The following ZBTB20 variants were observed in gnomAD, a reference collection of about 807,000 sequenced individuals.
ZBTB20 encodes the protein zinc finger and BTB domain containing 20.
ZBTB20 carries 9 observed loss-of-function variants against 56.9 expected under a neutral mutation model. The observed-to-expected ratio is 0.16, with a 90% CI of 0.10 to 0.28. The LOEUF (loss-of-function observed/expected upper bound fraction) is 0.28. Among genes scored for constraint, ZBTB20 ranks in the 10% least tolerant of loss-of-function variants. ZBTB20 has a pLI of 1.00. For synonymous variants in ZBTB20, 417 were observed against 420.7 expected (o/e 0.99, Z 0.11); for missense variants, 655 against 1,003.0 (o/e 0.65, Z 4.69).
At chr3:114,767,987 A>T (rs1051928436) in intron 5 of ZBTB20, among the ~76,000 whole-genome samples, 1 of 152,122 alleles carries the variant, frequency 6.6e-6, no homozygotes, top group Non-Finnish European at 1.5e-5. Context: ...TAAAATATAA[A>T]GTATATTTGC....
intron 7 of ZBTB20, among the ~76,000 whole-genome samples, chr3:114,459,129 A>G (rs912550898): frequency 6.6e-6 from 1 of 152,186 alleles, no homozygotes; most frequent in African/African-American, 2.4e-5. Context: ...TTCCATGCAT[A>G]TTCTGCACAT....
rs1036670144 is a variant in ZBTB20 at position 114,337,436 on chromosome 3, C to T, written c.*1569G>A. On this transcript the variant is annotated 3_prime_UTR_variant, in exon 12 of 12. Transcript: ENST00000675478. ...AAAAAAAGTAAAGTCAATAGAAATT[C>T]TAGAATTGTAAGATCTCAATGAAAT... 7 of 152,112 alleles carry T rather than the reference C, an allele frequency of 4.6e-5. No homozygotes were observed. The highest frequency in any genetic ancestry group is 3.2e-3 in the Middle Eastern group (1 of 316). The allele number at this position is 152,112 out of a possible 1,614,324, so 9.4% of individuals were successfully genotyped here.
rs546179785 is a variant in ZBTB20 at position 114,377,554 on chromosome 3, T to G, written c.199+2663A>C. Among the ~76,000 whole-genome samples, 26 of 152,330 alleles carry G rather than the reference T, an allele frequency of 1.7e-4. No homozygotes were observed. In the South Asian group the frequency reaches 4.6e-3, roughly 27 times the overall value. On this transcript the variant is annotated intron_variant, in intron 10 of 11. Coordinates refer to ENST00000675478, the MANE Select transcript of ZBTB20 (RefSeq NM_001348800.3). ...GCTTACCCACCCATGTCAGTTCATA[T>G]GCAGAGCTGACTTTTCTTTTGTGGC...
At chr3:114,694,285 A>G (rs1578380337) in intron 5 of ZBTB20, among the ~76,000 whole-genome samples, 1 of 152,120 alleles carries the variant, frequency 6.6e-6, no homozygotes, top group East Asian at 1.9e-4. Context: ...GTGGAGCAAC[A>G]AAGTCTTTAA....
At chr3:114,891,738 A>G (rs2076816077) in intron 4 of ZBTB20, among the ~76,000 whole-genome samples, 2 of 152,190 alleles carry the variant, frequency 1.3e-5, no homozygotes, top group Non-Finnish European at 2.9e-5. Flanking sequence ...TACTTCTTAA[A>G]TGAGTTTAAA....
At chr3:114,348,234 A>G (rs2080353986) in intron 11 of ZBTB20, among the ~76,000 whole-genome samples, 1 of 152,322 alleles carries the variant, frequency 6.6e-6, no homozygotes, top group South Asian at 2.1e-4. Context: ...CAAGACCAGC[A>G]AAGTCAACTT....
chr3:114,789,428 CT>C (rs2070780704), intron 5 of ZBTB20, among the ~76,000 whole-genome samples: 1 of 152,098 alleles, frequency 6.6e-6, no homozygotes, highest in Non-Finnish European at 1.5e-5. Flanking sequence ...TAGACTCCAT[CT>C]TTTAACAACC....
chr3:114,393,584 A>G (rs1056904712), intron 7 of ZBTB20, among the ~76,000 whole-genome samples: 6 of 152,172 alleles, frequency 3.9e-5, no homozygotes, highest in Non-Finnish European at 8.8e-5. Context: ...ATGGTGTGTC[A>G]TGTTTTATTG....
Position 114,774,894 on chromosome 3 carries a change from C to T in ZBTB20, c.-343+26207G>A, listed in dbSNP as rs963641961. ...CTTTACAACTGTTACCTATTAAAAG[C>T]CTTTGTTAGTGAATAAAAAAAAAGA... On this transcript the variant is annotated intron_variant, in intron 5 of 11. Transcript: ENST00000675478. Among the ~76,000 whole-genome samples the T allele has an allele frequency of 3.9e-5, 6 of 151,938 alleles. No individual in the cohort carries two copies. The East Asian group carries it at 7.7e-4, about 20-fold the overall frequency.
chr3:114,914,858 A>G (rs2075681085), intron 3 of ZBTB20, among the ~76,000 whole-genome samples: 1 of 151,716 alleles, frequency 6.6e-6, no homozygotes, highest in Admixed American at 6.6e-5. Context: ...TTCTGTTGAT[A>G]TGTGGTATTA....
intron 4 of ZBTB20, among the ~76,000 whole-genome samples, chr3:114,876,126 T>G (rs1311546032): frequency 3.3e-5 from 5 of 151,822 alleles, no homozygotes; most frequent in East Asian, 1.9e-4. Context: ...AGTTTGTTTT[T>G]TTTTTTTTTA....
intron 2 of ZBTB20, among the ~76,000 whole-genome samples, chr3:114,994,153 T>C (rs1394835391): frequency 6.6e-6 from 1 of 151,828 alleles, no homozygotes; most frequent in African/African-American, 2.4e-5. Context: ...AGATTTAAAA[T>C]AACCTGAGAA....
intron 10 of ZBTB20, among the ~76,000 whole-genome samples, chr3:114,356,810 C>T (rs2081301847): frequency 6.6e-6 from 1 of 152,114 alleles, no homozygotes; most frequent in Non-Finnish European, 1.5e-5. Context: ...CCTGCTGAAT[C>T]CCTGCACTAT....
intron 1 of ZBTB20, among the ~76,000 whole-genome samples, chr3:115,107,841 T>G (rs917492288): frequency 6.6e-6 from 1 of 152,184 alleles, no homozygotes; most frequent in African/African-American, 2.4e-5. Context: ...GTCCTTTGCA[T>G]GGACATAGAT....
intron 4 of ZBTB20, among the ~76,000 whole-genome samples, chr3:114,844,520 C>CAAAGAA (rs2074565303): frequency 4.4e-5 from 1 of 22,804 alleles, no homozygotes; most frequent in Non-Finnish European, 6.5e-5. Flanking sequence ...GTCCCTGTCT[C>CAAAGAA]AAAAAAAAAA....
At chr3:114,530,161 C>T (rs1278795790) in intron 6 of ZBTB20, among the ~76,000 whole-genome samples, 2 of 152,120 alleles carry the variant, frequency 1.3e-5, no homozygotes, top group Admixed American at 1.3e-4. Flanking sequence ...ACAGTAATGT[C>T]CTAGGTGTTC....
At chr3:114,629,552 T>G (rs1232312528) in intron 6 of ZBTB20, among the ~76,000 whole-genome samples, 1 of 152,164 alleles carries the variant, frequency 6.6e-6, no homozygotes, top group Admixed American at 6.5e-5. Flanking sequence ...CATATTATTA[T>G]TATTGTAGCA....
intron 6 of ZBTB20, among the ~76,000 whole-genome samples, chr3:114,553,346 T>C (rs1039761931): frequency 6.6e-6 from 1 of 152,186 alleles, no homozygotes; most frequent in Non-Finnish European, 1.5e-5. Context: ...ATTGAAAGTA[T>C]AATTTAACTT....
At chr3:114,492,957 C>A (rs1361573800) in intron 7 of ZBTB20, among the ~76,000 whole-genome samples, 1 of 152,170 alleles carries the variant, frequency 6.6e-6, no homozygotes, top group Non-Finnish European at 1.5e-5. Context: ...AATACTACCA[C>A]AGTCAAGCTA....
Sources: gnomAD v4.1 joint callset for allele counts (sites outside exome capture counted in the v4.1 genomes callset) on GRCh38, gnomAD v4.1.1 for gene constraint, MANE v1.5 for transcripts, NCBI Gene and HGNC (gene_info 2026-07-23, HGNC 2026-07-21) for gene names.